STK39: variants seen among roughly 807,000 people sequenced by gnomAD.
STK39 encodes serine/threonine kinase 39.
A neutral mutation model predicts 77.8 loss-of-function variants in STK39; 20 were observed. That is an observed-to-expected ratio of 0.26 (90% CI 0.18 to 0.37). STK39 has a LOEUF of 0.37. Ranked by LOEUF, STK39 falls within the 10% of genes least tolerant of loss-of-function variation. STK39 has a pLI of 1.00. For synonymous variants in STK39, 246 were observed against 234.1 expected, an observed-to-expected ratio of 1.05 and a Z score of -0.47; for missense variants, 479 against 656.5, an observed-to-expected ratio of 0.73 and a Z score of 2.95.
At chr2:168,009,886 A>G (rs780677302) in intron 16 of STK39, among the ~76,000 whole-genome samples, 1 of 152,270 alleles carries the variant, frequency 6.6e-6, no homozygotes, top group African/African-American at 2.4e-5. Flanking sequence ...AATACACTCA[A>G]TAAGTTGTAC....
At chr2:168,202,855 G>A (rs929253310) in intron 1 of STK39, among the ~76,000 whole-genome samples, 36 of 152,148 alleles carry the variant, frequency 2.4e-4, no homozygotes, top group African/African-American at 8.2e-4. Context: ...GCAGAGTATG[G>A]TAAGTGTGCA....
At chr2:168,213,024 T>C (rs1689931226) in intron 1 of STK39, among the ~76,000 whole-genome samples, 1 of 152,232 alleles carries the variant, frequency 6.6e-6, no homozygotes, top group Non-Finnish European at 1.5e-5. Flanking sequence ...CCATTCATCC[T>C]GTTGGATGTG....
intron 17 of STK39, among the ~76,000 whole-genome samples, chr2:167,963,523 TAA>T (rs1242335979): frequency 1.4e-5 from 2 of 138,660 alleles, no homozygotes; most frequent in South Asian, 2.4e-4. Context: ...ACTCTCACAT[TAA>T]AAAAAAAAAA....
At chr2:168,089,520 C>G (rs141466130) in intron 10 of STK39, among the ~76,000 whole-genome samples, 8 of 152,306 alleles carry the variant, frequency 5.3e-5, no homozygotes, top group African/African-American at 9.6e-5. Flanking sequence ...ATTTCTAAAA[C>G]CTCAACATGA....
intron 1 of STK39, among the ~76,000 whole-genome samples, chr2:168,199,304 T>C (rs960316465): frequency 6.6e-6 from 1 of 152,122 alleles, no homozygotes; most frequent in African/African-American, 2.4e-5. Context: ...TAACCTTAAC[T>C]TGTGAGTCCC....
chr2:168,104,928 G>A (rs941265726), intron 10 of STK39, among the ~76,000 whole-genome samples: 1 of 152,116 alleles, frequency 6.6e-6, no homozygotes, highest in Non-Finnish European at 1.5e-5. Context: ...ATAAATTATA[G>A]TATATCCTAC....
intron 2 of STK39, among the ~76,000 whole-genome samples, chr2:168,173,737 T>G (rs942506010): frequency 1.3e-5 from 2 of 152,060 alleles, no homozygotes; most frequent in African/African-American, 4.8e-5. Flanking sequence ...TTAGTAGAGA[T>G]AGGGTTTCAC....
At chr2:167,981,420 G>T (rs1683414307) in intron 16 of STK39, among the ~76,000 whole-genome samples, 1 of 152,182 alleles carries the variant, frequency 6.6e-6, no homozygotes, top group Non-Finnish European at 1.5e-5. Context: ...TTGATGGATT[G>T]GTTTGGATCA....
intron 5 of STK39, among the ~76,000 whole-genome samples, chr2:168,143,245 A>G (rs559682227): frequency 6.6e-6 from 1 of 152,278 alleles, no homozygotes; most frequent in Admixed American, 6.5e-5. Context: ...AGGGTCTAAG[A>G]CCTTCTGAAT....
chr2:168,168,612 A>G (rs114429326), intron 2 of STK39, among the ~76,000 whole-genome samples: 2,762 of 152,318 alleles, frequency 0.018, 43 homozygotes, highest in Non-Finnish European at 0.029. Flanking sequence ...TCCTCATACT[A>G]CTAAAAAGAT....
chr2:167,979,799 T>A (rs1308700150), intron 16 of STK39, among the ~76,000 whole-genome samples: 1 of 152,092 alleles, frequency 6.6e-6, no homozygotes, highest in African/African-American at 2.4e-5. Context: ...AGTTTGAAAA[T>A]AATTAAATAA....
intron 16 of STK39, among the ~76,000 whole-genome samples, chr2:167,983,163 G>A (rs1683465347): frequency 6.6e-6 from 1 of 152,130 alleles, no homozygotes; most frequent in Non-Finnish European, 1.5e-5. Flanking sequence ...ATGGTTAGAA[G>A]AATGTACTTC....
At chr2:168,042,040 A>G (rs1360646272) in intron 14 of STK39, among the ~76,000 whole-genome samples, 2 of 152,210 alleles carry the variant, frequency 1.3e-5, no homozygotes, top group South Asian at 2.1e-4. Context: ...TTTTGTCAAG[A>G]GAGGAGGACT....
chr2:168,213,086 C>T (rs1282672812), intron 1 of STK39, among the ~76,000 whole-genome samples: 2 of 152,160 alleles, frequency 1.3e-5, no homozygotes, highest in Non-Finnish European at 2.9e-5. Context: ...ACAGATGTTC[C>T]CTGCAACGCT....
At chr2:168,157,315 T>C (rs951902930) in intron 5 of STK39, among the ~76,000 whole-genome samples, 4 of 152,192 alleles carry the variant, frequency 2.6e-5, no homozygotes, top group Non-Finnish European at 4.4e-5. Context: ...GTGAGGCATT[T>C]TGATGGTAAC....
Position 167,993,136 on chromosome 2 carries a change from C to A in STK39, c.1498+19498G>T, listed in dbSNP as rs142608796. 3.3e-4 allele frequency among the ~76,000 whole-genome samples: 50 copies of A among 152,226 alleles called. No individual in the cohort carries two copies. The East Asian group carries it at 5.6e-3, about 17-fold the overall frequency. On this transcript the variant is annotated intron_variant, in intron 16 of 17. Transcript: ENST00000355999. Reference sequence around the variant, plus strand: ...AAGAATCATCTGCACCCAGAATGAGCGATTTATGTAAGACATTTAAAAAGT... The same window carrying A: ...AAGAATCATCTGCACCCAGAATGAGAGATTTATGTAAGACATTTAAAAAGT...
chr2:168,058,533 G>GC (rs1685583019), intron 14 of STK39, among the ~76,000 whole-genome samples: 1 of 152,156 alleles, frequency 6.6e-6, no homozygotes, highest in Non-Finnish European at 1.5e-5. Flanking sequence ...TTGAAATCAT[G>GC]CATCTAAATC....
chr2:168,231,562 G>T (rs1029667938), intron 1 of STK39, among the ~76,000 whole-genome samples: 2 of 151,790 alleles, frequency 1.3e-5, no homozygotes, highest in African/African-American at 2.4e-5. Context: ...ACTGGGTGTA[G>T]CTTCACAGTC....
intron 5 of STK39, among the ~76,000 whole-genome samples, chr2:168,156,149 G>A (rs2105571075): frequency 6.6e-6 from 1 of 152,300 alleles, no homozygotes; most frequent in East Asian, 1.9e-4. Flanking sequence ...TGGTGCAGGT[G>A]GGCATGGTGG....
Sources: gnomAD v4.1 joint callset for allele counts (sites outside exome capture counted in the v4.1 genomes callset) on GRCh38, gnomAD v4.1.1 for gene constraint, MANE v1.5 for transcripts, NCBI Gene and HGNC (gene_info 2026-07-23, HGNC 2026-07-21) for gene names.